ADGRL3: variants seen among roughly 807,000 people sequenced by gnomAD.
ADGRL3 encodes the protein adhesion G protein-coupled receptor L3, also known as calcium-independent alpha-latrotoxin receptor 3.
In ADGRL3, 62 loss-of-function variants were observed where a neutral mutation model predicts 153.5. The observed-to-expected ratio is 0.40, with a 90% CI of 0.33 to 0.50. The LOEUF is 0.50. ADGRL3 is among the 20% of genes least tolerant of loss of function. The pLI, the probability that ADGRL3 is intolerant of heterozygous loss-of-function variation, is 0.47. For synonymous variants in ADGRL3, 710 were observed against 672.5 expected, an observed-to-expected ratio of 1.06 and a Z score of -0.86; for missense variants, 1,641 against 1,859.4, an observed-to-expected ratio of 0.88 and a Z score of 2.16.
At position 62,071,996 on chromosome 4, in the gene ADGRL3, G is replaced by C; in HGVS notation, c.*1088G>C. ...CAGGGCACGTCTGTTGTAATGCAAA[G>C]CATATTTGGCAAGCAGTTCATCACC... On this transcript the variant is annotated 3_prime_UTR_variant, in exon 27 of 27. Coordinates refer to ENST00000683033, the MANE Select transcript of ADGRL3 (RefSeq NM_001387552.1). The C allele has an allele frequency of 5.1e-6, 1 of 197,260 alleles. No individual in the cohort carries two copies. Among genetic ancestry groups the C allele is most frequent in the South Asian group, 8.0e-5 (1 of 12,482 alleles). The allele number at this position is 197,260 out of a possible 1,614,324, so 12.2% of individuals were successfully genotyped here.
intron 23 of ADGRL3, among the ~76,000 whole-genome samples, chr4:62,032,215 G>T (rs1722488280): frequency 1.3e-5 from 2 of 151,350 alleles, no homozygotes; most frequent in Middle Eastern, 3.4e-3. Flanking sequence ...TGTATTATTA[G>T]AATGCAATCT....
chr4:61,857,764 T>G (rs2098294633), intron 9 of ADGRL3, among the ~76,000 whole-genome samples: 1 of 151,938 alleles, frequency 6.6e-6, no homozygotes. Flanking sequence ...AATCTTGCTG[T>G]GTCACCCAAG....
intron 1 of ADGRL3, among the ~76,000 whole-genome samples, chr4:61,294,581 G>A (rs2094338869): frequency 6.6e-6 from 1 of 152,010 alleles, no homozygotes; most frequent in Non-Finnish European, 1.5e-5. Flanking sequence ...AATTGATAGT[G>A]CATCAGTTTA....
Position 61,740,947 on chromosome 4 carries a change from G to A in ADGRL3, c.1399+7393G>A, listed in dbSNP as rs115656775. Among the ~76,000 whole-genome samples the A allele has an allele frequency of 9.4e-3, 1,436 of 152,292 alleles. 30 individuals are homozygous for A. The highest frequency in any genetic ancestry group is 0.033 in the African/African-American group (1,358 of 41,554). ...CCTACACATAACAGTTTAACAATGA[G>A]GATATGGTGCACCTTCTGTCCTTAT... On this transcript the variant is annotated intron_variant, in intron 8 of 26. Transcript: ENST00000683033.
chr4:61,448,764 AAGAGAGGGAAG>A (rs1470379902), intron 2 of ADGRL3, among the ~76,000 whole-genome samples: 7 of 108,658 alleles, frequency 6.4e-5, no homozygotes, highest in Non-Finnish European at 1.4e-4. Flanking sequence ...GGAAGGAAGG[AAGAGAGGGAAG>A]GAGGGAAGGA....
chr4:61,520,752 T>A (rs2098526130), intron 4 of ADGRL3, among the ~76,000 whole-genome samples: 1 of 151,456 alleles, frequency 6.6e-6, no homozygotes, highest in African/African-American at 2.4e-5. Flanking sequence ...TGTGTCATAG[T>A]ATGGAATTCT....
chr4:61,334,218 A>T (rs971356638), intron 1 of ADGRL3, among the ~76,000 whole-genome samples: 2 of 152,160 alleles, frequency 1.3e-5, no homozygotes, highest in African/African-American at 4.8e-5. Flanking sequence ...CGCCCAGCCA[A>T]CATTTTTTTT....
chr4:61,500,351 G>C (rs2098373713), intron 3 of ADGRL3, among the ~76,000 whole-genome samples: 1 of 151,976 alleles, frequency 6.6e-6, no homozygotes, highest in Non-Finnish European at 1.5e-5. Context: ...TTTTGCCTTT[G>C]TGATACCACT....
At chr4:61,969,590 A>G (rs931604931) in intron 17 of ADGRL3, among the ~76,000 whole-genome samples, 2 of 152,128 alleles carry the variant, frequency 1.3e-5, no homozygotes, top group Non-Finnish European at 2.9e-5. Context: ...GTAAGAAAAC[A>G]TGGTCACAAT....
At chr4:62,011,661 C>G (rs142413093) in intron 21 of ADGRL3, among the ~76,000 whole-genome samples, 32 of 152,140 alleles carry the variant, frequency 2.1e-4, no homozygotes, top group African/African-American at 7.5e-4. Flanking sequence ...GGATCTGTAT[C>G]AAATAAATCT....
chr4:61,650,558 A>C (rs971633639), intron 5 of ADGRL3, among the ~76,000 whole-genome samples: 12 of 152,096 alleles, frequency 7.9e-5, no homozygotes, highest in Non-Finnish European at 4.4e-5. Context: ...AAGAGCTTGG[A>C]ATCCTAGCTC....
intron 6 of ADGRL3, among the ~76,000 whole-genome samples, chr4:61,728,004 G>A (rs561817697): frequency 2.6e-5 from 4 of 152,152 alleles, no homozygotes; most frequent in Non-Finnish European, 5.9e-5. Context: ...TTCAGTGAAG[G>A]GAAGCTTCTA....
chr4:61,910,383 A>T (rs1271954744), intron 12 of ADGRL3, among the ~76,000 whole-genome samples: 5 of 151,724 alleles, frequency 3.3e-5, no homozygotes, highest in African/African-American at 1.2e-4. Context: ...AAAATAAATT[A>T]TTTTTTAACT....
intron 6 of ADGRL3, among the ~76,000 whole-genome samples, chr4:61,710,863 T>C (rs2095963994): frequency 6.6e-6 from 1 of 152,176 alleles, no homozygotes; most frequent in Admixed American, 6.5e-5. Flanking sequence ...TTTTGTTTGT[T>C]TATTGTTTTT....
chr4:61,226,745 G>T (rs1748143727), intron 1 of ADGRL3, among the ~76,000 whole-genome samples: 1 of 152,036 alleles, frequency 6.6e-6, no homozygotes, highest in Non-Finnish European at 1.5e-5. Context: ...TGGGAATGTG[G>T]CATGAAGTTA....
chr4:61,559,082 A>G (rs2098782779), intron 4 of ADGRL3, among the ~76,000 whole-genome samples: 1 of 152,130 alleles, frequency 6.6e-6, no homozygotes, highest in South Asian at 2.1e-4. Flanking sequence ...GCTTTGCCAT[A>G]TTGCAGGATG....
At chr4:62,038,492 T>C (rs1726346989) in intron 24 of ADGRL3, among the ~76,000 whole-genome samples, 1 of 152,132 alleles carries the variant, frequency 6.6e-6, no homozygotes, top group Admixed American at 6.6e-5. Flanking sequence ...AGCTCAAAGA[T>C]TATTACATAG....
intron 6 of ADGRL3, among the ~76,000 whole-genome samples, chr4:61,694,511 T>C (rs779462258): frequency 6.6e-6 from 1 of 152,210 alleles, no homozygotes; most frequent in Non-Finnish European, 1.5e-5. Context: ...ATGTATTTCT[T>C]AATTTAAGAA....
intron 1 of ADGRL3, among the ~76,000 whole-genome samples, chr4:61,318,220 A>AACACAC (rs140779579): frequency 8.9e-5 from 13 of 145,766 alleles, no homozygotes; most frequent in African/African-American, 3.1e-4. Flanking sequence ...AAAAACACAA[A>AACACAC]ACACACACAC....
Sources: allele counts gnomAD v4.1 joint callset (sites outside exome capture counted in the v4.1 genomes callset), GRCh38; gene constraint gnomAD v4.1.1; transcripts MANE v1.5; gene names NCBI Gene and HGNC (gene_info 2026-07-23, HGNC 2026-07-21).